Variants in PHIP observed in about 807,000 individuals in gnomAD.
PHIP encodes the protein PH-interacting protein.
PHIP carries 54 observed loss-of-function variants against 236.8 expected under a neutral mutation model. The observed-to-expected ratio is 0.23, with a 90% CI of 0.18 to 0.29. The LOEUF (loss-of-function observed/expected upper bound fraction) is 0.29, where lower values mean the gene tolerates loss of function less well. Among genes scored for constraint, PHIP ranks in the 10% least tolerant of loss-of-function variants. PHIP has a pLI of 1.00. For synonymous variants in PHIP, 756 were observed against 718.9 expected (o/e 1.05, Z -0.83); for missense variants, 1,370 against 2,190.8 (o/e 0.63, Z 7.48).
Position 78,940,631 on chromosome 6 carries a change from T to C in PHIP, c.*62A>G. 1.0e-6 allele frequency: 1 copy of C among 958,538 alleles called. No individual in the cohort carries two copies. Among genetic ancestry groups the C allele is most frequent in the Non-Finnish European group, 1.5e-6 (1 of 674,054 alleles). 59.4% of individuals were successfully genotyped at this position (958,538 alleles called of 1,614,324 possible). A position where few individuals can be genotyped will look rare whatever the true frequency, so the allele number is the denominator to read the frequency against. On this transcript the variant is annotated 3_prime_UTR_variant, in exon 40 of 40. Coordinates refer to ENST00000275034, the MANE Select transcript of PHIP (RefSeq NM_017934.7). ...AGCAGCAAGGAAGCAGAAGCCTTAGTTCTACTTATTCCTTAACTGTACCTG... is the reference window on the plus strand; with the variant it reads ...AGCAGCAAGGAAGCAGAAGCCTTAGCTCTACTTATTCCTTAACTGTACCTG...
intron 4 of PHIP, among the ~76,000 whole-genome samples, chr6:79,075,259 A>AT (rs1774091856): frequency 2.0e-5 from 3 of 152,142 alleles, no homozygotes; most frequent in African/African-American, 7.2e-5. Flanking sequence ...ACACACCTAG[A>AT]TATACAGTTT....
At chr6:78,945,759 TG>T in intron 38 of PHIP, 2 of 599,332 alleles carry the variant, frequency 3.3e-6, no homozygotes, top group East Asian at 2.9e-5. Flanking sequence ...GTGGGTACTG[TG>T]ATTTAAATTC....
intron 31 of PHIP, among the ~76,000 whole-genome samples, chr6:78,959,025 C>G (rs1242123363): frequency 6.6e-6 from 1 of 152,016 alleles, no homozygotes; most frequent in Non-Finnish European, 1.5e-5. Context: ...TACTGGTAAT[C>G]AAATGACATA....
At chr6:79,008,188 TA>T (rs774861393) in intron 15 of PHIP, among the ~76,000 whole-genome samples, 613 of 138,480 alleles carry the variant, frequency 4.4e-3, no homozygotes, top group Admixed American at 4.1e-3. Context: ...AGACTCCGTC[TA>T]AAAAAAAAAA....
chr6:79,015,311 T>C, intron 14 of PHIP, 95 bp from the exon 15 acceptor site: 1 of 1,051,654 alleles, frequency 9.5e-7, no homozygotes, highest in Non-Finnish European at 1.4e-6. Context: ...TTTCTAGAAA[T>C]GGAGTTTTAA....
Position 78,998,250 on chromosome 6 carries a change from T to C in PHIP, c.2017+4A>G. 6.2e-7 allele frequency: 1 copy of C among 1,605,444 alleles called. No homozygotes were observed. Among genetic ancestry groups the C allele is most frequent in the Non-Finnish European group, 8.5e-7 (1 of 1,172,282 alleles). ...ATTTCACTTAAAATAGAATACCTGC[T>C]TACCTCTACTTAAACGGCTGGTATT... On this transcript the variant is annotated splice_donor_region_variant and intron_variant, in intron 18 of 39. Transcript: ENST00000275034.
rs1773323452 is a variant in PHIP at position 79,060,637 on chromosome 6, A to G, written c.340+31T>C. 5.6e-6 allele frequency: 9 copies of G among 1,608,642 alleles called. No homozygotes were observed. The East Asian group carries it at 6.7e-5, about 12-fold the overall frequency. On this transcript the variant is annotated intron_variant, in intron 5 of 39. Transcript: ENST00000275034. The stretch of plus-strand genomic sequence containing the variant: ...CACAAAAACAAAAGTGAGATAAATA[A>G]TGTCTAAATCCTATGAGAAAATTTT...
chr6:79,021,175 C>A (rs1284442719), intron 9 of PHIP, among the ~76,000 whole-genome samples: 1 of 152,146 alleles, frequency 6.6e-6, no homozygotes, highest in Non-Finnish European at 1.5e-5. Context: ...GAGACAGAGG[C>A]TCACTCTGTC....
chr6:79,070,321 C>A (rs1773820629), intron 4 of PHIP, among the ~76,000 whole-genome samples: 1 of 152,208 alleles, frequency 6.6e-6, no homozygotes. Flanking sequence ...CATCCTTTAA[C>A]TGCTTATACT....
chr6:78,980,258 T>A (rs947527769), intron 23 of PHIP, among the ~76,000 whole-genome samples: 2 of 149,708 alleles, frequency 1.3e-5, no homozygotes, highest in Non-Finnish European at 3.0e-5. Context: ...GTAGAAAAAA[T>A]CTGTCAACCT....
rs576870228 is a variant in PHIP, at chr6:78,937,020, T to C, written c.*3673A>G. The stretch of plus-strand genomic sequence containing the variant: ...GCTCAATCTGTTATGTTAGAAATAC[T>C]TTTTAGGTTAATAGGAGTAATCAGA... On this transcript the variant is annotated 3_prime_UTR_variant, in exon 40 of 40. Coordinates refer to ENST00000275034, the MANE Select transcript of PHIP (RefSeq NM_017934.7). 2.0e-5 allele frequency: 3 copies of C among 151,944 alleles called. No homozygotes were observed. Among genetic ancestry groups the C allele is most frequent in the African/African-American group, 7.2e-5 (3 of 41,556 alleles). 9.4% of individuals were successfully genotyped at this position (151,944 alleles called of 1,614,324 possible). A position where few individuals can be genotyped will look rare whatever the true frequency, so the allele number is the denominator to read the frequency against.
At chr6:78,959,092 AG>A (rs1336376453) in intron 31 of PHIP, among the ~76,000 whole-genome samples, 1 of 152,170 alleles carries the variant, frequency 6.6e-6, no homozygotes, top group Non-Finnish European at 1.5e-5. Context: ...ATAAAAATAT[AG>A]CATGCTAGTT....
rs1428956334 is a variant in PHIP, at chr6:79,078,246, G to A, written c.-178C>T. The A allele has an allele frequency of 5.0e-6, 3 of 595,686 alleles. No homozygotes were observed. The highest frequency in any genetic ancestry group is 8.8e-6 in the Non-Finnish European group (3 of 341,248). 36.9% of individuals were successfully genotyped at this position (595,686 alleles called of 1,614,324 possible). A position where few individuals can be genotyped will look rare whatever the true frequency, so the allele number is the denominator to read the frequency against. Reference sequence around the variant, plus strand: ...AGGAGGAGGAAACAACAACTCTCAGGCAGCGACTACGGCCGTGGCCGCCTC... The same window carrying A: ...AGGAGGAGGAAACAACAACTCTCAGACAGCGACTACGGCCGTGGCCGCCTC... On this transcript the variant is annotated 5_prime_UTR_variant, in exon 1 of 40. Transcript: ENST00000275034.
At chr6:78,951,018 C>T (rs536115725) in intron 35 of PHIP, among the ~76,000 whole-genome samples, 29 of 152,204 alleles carry the variant, frequency 1.9e-4, no homozygotes, top group African/African-American at 6.7e-4. Flanking sequence ...TTAACTGCAT[C>T]CTACAAATTT....
chr6:79,015,688 T>C lies in PHIP; in HGVS notation c.1331A>G (p.Asn444Ser). The part of the protein sequence containing the change: ...RHDNTVITAV[N>S]NMTLKVWNSY... ...ATTCCAAACTTTCAGAGTCATGTTA[T>C]TAACTGCAGTTATAACTGTATTGTC... Residue 444 changes from asparagine (N) to serine (S), a missense_variant, in exon 14 of 40, where the codon AAT becomes AGT. Physicochemically the swap from Asn to Ser is conservative, Grantham distance 46. This residue lies in a region of PHIP where 188 missense variants were observed against 354.3 expected (regional missense o/e 0.53). Transcript: ENST00000275034. 1 of 1,601,878 alleles carries C rather than the reference T, an allele frequency of 6.2e-7. No individual in the cohort carries two copies. Among genetic ancestry groups the C allele is most frequent in the Non-Finnish European group, 8.6e-7 (1 of 1,169,410 alleles).
intron 4 of PHIP, among the ~76,000 whole-genome samples, chr6:79,069,063 GT>G (rs558867446): frequency 6.7e-4 from 102 of 151,320 alleles, no homozygotes; most frequent in Non-Finnish European, 1.3e-3. Flanking sequence ...TCTCTATTAT[GT>G]TTTTGAGTTC....
intron 15 of PHIP, among the ~76,000 whole-genome samples, chr6:79,009,310 G>A (rs1770452724): frequency 6.6e-6 from 1 of 151,956 alleles, no homozygotes; most frequent in Non-Finnish European, 1.5e-5. Flanking sequence ...TTGACACTTA[G>A]CTTTTTATAA....
chr6:78,946,632 A>G, intron 37 of PHIP, 79 bp downstream of exon 37: 1 of 1,469,036 alleles, frequency 6.8e-7, no homozygotes, highest in Non-Finnish European at 8.9e-7. Context: ...ATAGTAAAGG[A>G]AGTATTAAAA....
intron 4 of PHIP, among the ~76,000 whole-genome samples, chr6:79,064,966 T>G (rs577667927): frequency 3.9e-5 from 6 of 152,296 alleles, no homozygotes; most frequent in African/African-American, 1.4e-4. Flanking sequence ...AAGTGTTCCC[T>G]ACCTGGGTGG....
Sources: allele counts gnomAD v4.1 joint callset (sites outside exome capture counted in the v4.1 genomes callset), GRCh38; gene constraint gnomAD v4.1.1; regional missense constraint gnomAD v4.1.1; transcripts MANE v1.5; gene names NCBI Gene and HGNC (gene_info 2026-07-23, HGNC 2026-07-21).